The following PPFIA1 variants were observed in gnomAD, a reference collection of about 807,000 sequenced individuals.
PPFIA1 encodes PPFI scaffold protein A1.
Under a neutral mutation model 149.9 loss-of-function variants are expected in PPFIA1, and 25 were observed. That is an observed-to-expected ratio of 0.17 (90% CI 0.12 to 0.23). The LOEUF is 0.23. Among genes scored for constraint, PPFIA1 ranks in the 10% least tolerant of loss-of-function variants. The pLI is 1.00. For synonymous variants in PPFIA1, 549 were observed against 552.8 expected (o/e 0.99, Z 0.10); for missense variants, 1,362 against 1,506.5 (o/e 0.90, Z 1.59).
chr11:70,272,744 C>T, intron 2 of PPFIA1, among the ~76,000 whole-genome samples: 1 of 152,166 alleles, frequency 6.6e-6, no homozygotes, highest in African/African-American at 2.4e-5. Flanking sequence ...CTATTTGGTG[C>T]CTCCATTCTG....
intron 21 of PPFIA1, among the ~76,000 whole-genome samples, chr11:70,368,878 A>G (rs1215552228): frequency 6.6e-6 from 1 of 151,594 alleles, no homozygotes; most frequent in Non-Finnish European, 1.5e-5. Context: ...TGGGATTTCC[A>G]GTACAGTGTA....
At chr11:70,307,875 A>G (rs2052965946) in intron 2 of PPFIA1, among the ~76,000 whole-genome samples, 1 of 152,202 alleles carries the variant, frequency 6.6e-6, no homozygotes. Flanking sequence ...CCAGTGAGCC[A>G]TGGTTACAGC....
At position 70,356,377 on chromosome 11, in the gene PPFIA1, C is replaced by G. The variant is rs78411282; in HGVS notation, c.2582+123C>G. 0.012 allele frequency: 8,889 copies of G among 740,466 alleles called. 624 individuals carry two copies. In the African/African-American group the frequency reaches 0.14, roughly 12 times the overall value. 45.9% of individuals were successfully genotyped at this position (740,466 alleles called of 1,614,324 possible). A position where few individuals can be genotyped will look rare whatever the true frequency, so the allele number is the denominator to read the frequency against. On this transcript the variant is annotated intron_variant, in intron 19 of 27. Coordinates refer to ENST00000253925, the MANE Select transcript of PPFIA1 (RefSeq NM_003626.5). Reference sequence around the variant, plus strand: ...ATACATTATATTCTGAAAGCTTTACCTACAGCCTTAATTAAGCCGTACTTT... The same window carrying G: ...ATACATTATATTCTGAAAGCTTTACGTACAGCCTTAATTAAGCCGTACTTT...
At chr11:70,305,045 T>C (rs1286687487) in intron 2 of PPFIA1, among the ~76,000 whole-genome samples, 2 of 152,134 alleles carry the variant, frequency 1.3e-5, no homozygotes, top group Non-Finnish European at 2.9e-5. Context: ...GACCACCGTG[T>C]TCCAGAGCAT....
intron 19 of PPFIA1, among the ~76,000 whole-genome samples, chr11:70,357,310 CA>C (rs1337829123): frequency 6.6e-6 from 1 of 152,204 alleles, no homozygotes; most frequent in Non-Finnish European, 1.5e-5. Flanking sequence ...CCCAAAGATG[CA>C]CCAGAGCCTA....
chr11:70,335,800 G>A lies in PPFIA1; in HGVS notation c.1428+106G>A, dbSNP rs548509730. 2.2e-5 allele frequency: 28 copies of A among 1,282,098 alleles called. No homozygotes were observed. The Admixed American group carries it at 2.5e-4, about 11-fold the overall frequency. 79.4% of individuals were successfully genotyped at this position (1,282,098 alleles called of 1,614,324 possible). A position where few individuals can be genotyped will look rare whatever the true frequency, so the allele number is the denominator to read the frequency against. On this transcript the variant is annotated intron_variant, in intron 11 of 27. Coordinates refer to ENST00000253925, the MANE Select transcript of PPFIA1 (RefSeq NM_003626.5). ...GTAACAGTGGTTAGCAGCTGTTACC[G>A]AAAATGGGAATTATTCTTTAAAGTG...
chr11:70,285,726 A>G (rs1190552595), intron 2 of PPFIA1, among the ~76,000 whole-genome samples: 2 of 151,980 alleles, frequency 1.3e-5, no homozygotes, highest in Non-Finnish European at 2.9e-5. Context: ...CATAAGGCAC[A>G]GAACAATGTG....
chr11:70,362,350 C>T lies in PPFIA1; in HGVS notation c.2727C>T (p.Ala909=). 6.2e-7 allele frequency: 1 copy of T among 1,614,236 alleles called. No homozygotes were observed. The highest frequency in any genetic ancestry group is 1.3e-5 in the African/African-American group (1 of 75,070). ...AACRANVKSG[A]IMSALSDTEI... Reference sequence around the variant, plus strand: ...GCCGAGCAAACGTGAAAAGCGGGGCCATCATGTCGGCCCTGTCCGACACAG... The same window carrying T: ...GCCGAGCAAACGTGAAAAGCGGGGCTATCATGTCGGCCCTGTCCGACACAG... The change falls in exon 21 of 28, where the codon GCC becomes GCT. Residue 909 remains alanine, a synonymous_variant. Transcript: ENST00000253925.
chr11:70,301,740 C>T (rs367891469), intron 2 of PPFIA1, among the ~76,000 whole-genome samples: 2 of 152,154 alleles, frequency 1.3e-5, no homozygotes, highest in East Asian at 1.9e-4. Context: ...AATAAAGGAC[C>T]TTCGTTTACA....
chr11:70,333,221 G>A lies in PPFIA1; in HGVS notation c.1213-249G>A. 2 of 571,630 alleles carry A rather than the reference G, an allele frequency of 3.5e-6. 1 individual carries two copies. The highest frequency in any genetic ancestry group is 3.4e-5 in the South Asian group (2 of 59,288). 35.4% of individuals were successfully genotyped at this position (571,630 alleles called of 1,614,324 possible). On this transcript the variant is annotated intron_variant, in intron 9 of 27. Transcript: ENST00000253925. ...CATTGAGATTGGGCATAGGGGTTGG[G>A]GGGAAAACACCCAGTCAGTCGCCAG...
chr11:70,287,176 C>A (rs7943547), intron 2 of PPFIA1, among the ~76,000 whole-genome samples: 33,213 of 151,808 alleles, frequency 0.22, 5,537 homozygotes, highest in African/African-American at 0.46. Flanking sequence ...AATGCATGTA[C>A]AGCTGCCTTT....
chr11:70,297,686 T>G (rs1394126452), intron 2 of PPFIA1, among the ~76,000 whole-genome samples: 1 of 152,228 alleles, frequency 6.6e-6, no homozygotes, highest in African/African-American at 2.4e-5. Context: ...GGTCACAGTG[T>G]CTCTGGGAAG....
At chr11:70,359,485 T>G (rs2056526899) in intron 19 of PPFIA1, among the ~76,000 whole-genome samples, 1 of 152,170 alleles carries the variant, frequency 6.6e-6, no homozygotes, top group African/African-American at 2.4e-5. Context: ...TTTATGGGTT[T>G]TGGAGAGGGT....
intron 2 of PPFIA1, among the ~76,000 whole-genome samples, chr11:70,296,902 T>C (rs1011307977): frequency 1.3e-5 from 2 of 152,096 alleles, no homozygotes; most frequent in African/African-American, 2.4e-5. Context: ...TCCCCTTAGC[T>C]CTCCGCTGCT....
intron 2 of PPFIA1, among the ~76,000 whole-genome samples, chr11:70,292,027 C>CG (rs2051565941): frequency 6.6e-6 from 1 of 151,794 alleles, no homozygotes; most frequent in Admixed American, 6.6e-5. Flanking sequence ...TTAGTAGAGA[C>CG]GGGGTTTCAC....
At chr11:70,357,411 G>A (rs1161365605) in intron 19 of PPFIA1, among the ~76,000 whole-genome samples, 1 of 151,978 alleles carries the variant, frequency 6.6e-6, no homozygotes, top group East Asian at 1.9e-4. Context: ...TCTCATTTTA[G>A]TTTTCTTTTC....
chr11:70,279,249 T>C (rs895925707), intron 2 of PPFIA1: 2 of 307,162 alleles, frequency 6.5e-6, no homozygotes, highest in Non-Finnish European at 1.2e-5. Flanking sequence ...AGTGGGAAGC[T>C]GCCTTTGTTG....
At chr11:70,358,218 TATTTATTG>T (rs2056450228) in intron 19 of PPFIA1, 1 of 152,298 alleles carries the variant, frequency 6.6e-6, no homozygotes, top group African/African-American at 2.4e-5. Context: ...AAAAGTGCTT[TATTTATTG>T]ATTGATTGAT....
At chr11:70,344,345 A>T (rs575944495) in intron 15 of PPFIA1, among the ~76,000 whole-genome samples, 2 of 152,356 alleles carry the variant, frequency 1.3e-5, no homozygotes, top group African/African-American at 4.8e-5. Context: ...TGACGGACTG[A>T]AGCCTGCCTT....
Sources: allele counts gnomAD v4.1 joint callset (sites outside exome capture counted in the v4.1 genomes callset), GRCh38; gene constraint gnomAD v4.1.1; transcripts MANE v1.5; gene names NCBI Gene and HGNC (gene_info 2026-07-23, HGNC 2026-07-21).